The following PLEKHG1 variants were observed in gnomAD, a reference collection of about 807,000 sequenced individuals.
PLEKHG1 encodes pleckstrin homology and RhoGEF domain containing G1.
A neutral mutation model predicts 100.8 loss-of-function variants in PLEKHG1; 44 were observed. The ratio of observed to expected loss-of-function variants is 0.44; its 90% CI spans 0.34 to 0.56. PLEKHG1 has a LOEUF of 0.56. Ranked by LOEUF, PLEKHG1 falls within the 20% of genes least tolerant of loss-of-function variation. PLEKHG1 has a pLI of 0.01. For synonymous variants in PLEKHG1, 640 were observed against 662.5 expected (o/e 0.97, Z 0.52); for missense variants, 1,545 against 1,720.9 (o/e 0.90, Z 1.81).
chr6:150,669,230 A>T (rs939762148), intron 3 of PLEKHG1, among the ~76,000 whole-genome samples: 1 of 152,180 alleles, frequency 6.6e-6, no homozygotes, highest in Non-Finnish European at 1.5e-5. Flanking sequence ...TTGAAGACAC[A>T]TCACTGTAGA....
intron 5 of PLEKHG1, among the ~76,000 whole-genome samples, chr6:150,797,834 C>CAAAAAAAAAAAAAAAAAAA (rs58218481): frequency 4.2e-5 from 1 of 23,882 alleles, no homozygotes; most frequent in Non-Finnish European, 7.0e-5. Flanking sequence ...GACTCTGTCT[C>CAAAAAAAAAAAAAAAAAAA]AAAAAAAAAA....
chr6:150,771,053 G>C (rs1353240444), intron 3 of PLEKHG1, among the ~76,000 whole-genome samples: 1 of 152,130 alleles, frequency 6.6e-6, no homozygotes, highest in African/African-American at 2.4e-5. Context: ...TGAAGTTGTG[G>C]CTTACTCCAG....
At chr6:150,655,707 CAAAAAA>C (rs775753925) in intron 3 of PLEKHG1, among the ~76,000 whole-genome samples, 6 of 38,374 alleles carry the variant, frequency 1.6e-4, no homozygotes, top group African/African-American at 4.3e-4. Context: ...GACTCCATCT[CAAAAAA>C]AAAAAAAAAA....
In PLEKHG1 at chr6:150,830,895, C is replaced by T. The variant is rs556549091; in HGVS notation, c.1784C>T (p.Ser595Phe). Reference sequence around the variant, plus strand: ...AGCTGGCATATGGGACAGATGGAGTCCACAGAGACCTCCAGCTCTGGTCAC... The same window carrying T: ...AGCTGGCATATGGGACAGATGGAGTTCACAGAGACCTCCAGCTCTGGTCAC... The change falls in exon 15 of 16, where the codon TCC (serine) becomes TTC (phenylalanine). Residue 595 changes from serine (S) to phenylalanine (F), a missense_variant. Transcript: ENST00000358517. 8 of 1,614,044 alleles carry T rather than the reference C, an allele frequency of 5.0e-6. No individual in the cohort carries two copies. The South Asian group carries it at 8.8e-5, about 18-fold the overall frequency.
intron 4 of PLEKHG1, among the ~76,000 whole-genome samples, chr6:150,788,876 T>TAC (rs558381840): frequency 0.011 from 1,607 of 152,046 alleles, 14 homozygotes; most frequent in Non-Finnish European, 0.016. Flanking sequence ...CACACACGCA[T>TAC]ACACACACAC....
chr6:150,666,871 C>T (rs1435037289), intron 3 of PLEKHG1, among the ~76,000 whole-genome samples: 1 of 152,014 alleles, frequency 6.6e-6, no homozygotes, highest in Admixed American at 6.5e-5. Flanking sequence ...CACCATTCTC[C>T]TGCCTCAGCC....
At chr6:150,644,334 G>GGTTTTTTTTTTTTTTTTT (rs1554255840) in intron 2 of PLEKHG1, among the ~76,000 whole-genome samples, 25 of 117,592 alleles carry the variant, frequency 2.1e-4, no homozygotes, top group Admixed American at 3.7e-4. Context: ...TTCTTTTCGT[G>GGTTTTTTTTTTTTTTTTT]TTTTTTTTTT....
At chr6:150,673,806 G>A (rs994678195) in intron 3 of PLEKHG1, among the ~76,000 whole-genome samples, 4 of 152,092 alleles carry the variant, frequency 2.6e-5, no homozygotes, top group Admixed American at 6.6e-5. Context: ...GCCTACAGGC[G>A]TAAGCCACCA....
chr6:150,828,005 G>A (rs1776711861), intron 14 of PLEKHG1: 6 of 1,612,846 alleles, frequency 3.7e-6, no homozygotes, highest in Non-Finnish European at 5.1e-6. Flanking sequence ...AGGGCTTGTG[G>A]GTCATCTTGC....
intron 1 of PLEKHG1, among the ~76,000 whole-genome samples, chr6:150,637,017 G>A (rs1778032160): frequency 1.3e-5 from 2 of 152,168 alleles, no homozygotes; most frequent in Non-Finnish European, 2.9e-5. Flanking sequence ...AGCTCTGAAA[G>A]TCCCATATGC....
chr6:150,745,258 G>A (rs918678029), intron 2 of PLEKHG1, among the ~76,000 whole-genome samples: 1 of 152,196 alleles, frequency 6.6e-6, no homozygotes. Context: ...GTGTATCTAA[G>A]CACAGAAAAG....
intron 1 of PLEKHG1, among the ~76,000 whole-genome samples, chr6:150,630,824 G>A (rs1216634744): frequency 1.3e-5 from 2 of 152,144 alleles, no homozygotes; most frequent in African/African-American, 4.8e-5. Flanking sequence ...CCCAGCACTT[G>A]GAAGATTCGG....
chr6:150,628,985 G>T (rs1004711401), intron 1 of PLEKHG1, among the ~76,000 whole-genome samples: 3 of 152,188 alleles, frequency 2.0e-5, no homozygotes, highest in African/African-American at 7.2e-5. Context: ...TGAGAGAGAA[G>T]AAACTGAGGG....
At chr6:150,743,455 G>T (rs1166995665) in intron 2 of PLEKHG1, among the ~76,000 whole-genome samples, 1 of 152,206 alleles carries the variant, frequency 6.6e-6, no homozygotes, top group Non-Finnish European at 1.5e-5. Flanking sequence ...GAGCCCGGGA[G>T]GTGGAGGTTG....
At chr6:150,810,045 C>T (rs1403168316) in intron 10 of PLEKHG1, among the ~76,000 whole-genome samples, 1 of 152,180 alleles carries the variant, frequency 6.6e-6, no homozygotes, top group East Asian at 2.0e-4. Context: ...CCTGTAATCC[C>T]AGCACGTTGG....
chr6:150,757,308 A>T (rs9397351), intron 2 of PLEKHG1, among the ~76,000 whole-genome samples: 46,497 of 151,860 alleles, frequency 0.31, 9,242 homozygotes, highest in African/African-American at 0.56. Context: ...ACCTGCTGTA[A>T]ATGTTTTAAT....
rs561901040 is a variant in PLEKHG1 at position 150,724,602 on chromosome 6, C to T, written c.-99+3402C>T. On this transcript the variant is annotated intron_variant, in intron 1 of 15. Transcript: ENST00000358517. The stretch of plus-strand genomic sequence containing the variant: ...TGAGATGGAGTTTCAGTCTGTCACC[C>T]AGGCTGGAGTGAAGTGGTGTGATCT... 2.1e-5 allele frequency among the ~76,000 whole-genome samples: 3 copies of T among 143,610 alleles called. No homozygotes were observed. The South Asian group carries it at 6.6e-4, about 31-fold the overall frequency. The allele number at this position is 143,610 out of a possible 152,430, so 94.2% of individuals were successfully genotyped here. A position where few individuals can be genotyped will look rare whatever the true frequency, so the allele number is the denominator to read the frequency against.
chr6:150,755,483 C>T (rs910067015), intron 2 of PLEKHG1, among the ~76,000 whole-genome samples: 10 of 152,106 alleles, frequency 6.6e-5, no homozygotes, highest in Non-Finnish European at 1.3e-4. Context: ...AAAAAGGCTC[C>T]AATCTGACCT....
At chr6:150,832,196 C>T (rs771363235) in exon 15 of PLEKHG1, 201 of 1,591,694 alleles carry the variant, frequency 1.3e-4, no homozygotes, top group Non-Finnish European at 1.6e-4. Flanking sequence ...GCAAGGAGGG[C>T]CCGCCATTGG....
Sources: gnomAD v4.1 joint callset for allele counts (sites outside exome capture counted in the v4.1 genomes callset) on GRCh38, gnomAD v4.1.1 for gene constraint, MANE v1.5 for transcripts, NCBI Gene and HGNC (gene_info 2026-07-23, HGNC 2026-07-21) for gene names.